Variants in PEBP4 observed in about 807,000 individuals in gnomAD.
The protein encoded by PEBP4 is phosphatidylethanolamine-binding protein 4.
A neutral mutation model predicts 23.9 loss-of-function variants in PEBP4; 22 were observed. The observed-to-expected ratio is 0.92, with a 90% CI of 0.66 to 1.31. PEBP4 has a LOEUF of 1.31. Ranked by LOEUF, PEBP4 falls within the 40% of genes most tolerant of loss-of-function variation. The pLI is 0.00. For missense variants in PEBP4, 324 were observed against 281.7 expected (o/e 1.15, Z -1.07); for synonymous variants, 112 against 99.3 (o/e 1.13, Z -0.76).
chr8:22,730,224 G>T (rs764373602), intron 4 of PEBP4, among the ~76,000 whole-genome samples: 8 of 152,150 alleles, frequency 5.3e-5, no homozygotes, highest in African/African-American at 1.9e-4. Flanking sequence ...CCTCCCACCC[G>T]ATTTTAGCTC....
At chr8:22,817,198 C>G (rs1162291386) in intron 4 of PEBP4, among the ~76,000 whole-genome samples, 3 of 152,174 alleles carry the variant, frequency 2.0e-5, no homozygotes, top group South Asian at 4.1e-4. Context: ...GGGAGGAGCT[C>G]CAGGACTTCT....
intron 5 of PEBP4, among the ~76,000 whole-genome samples, chr8:22,725,997 A>ATGTGTG (rs1198943272): frequency 7.5e-5 from 6 of 79,842 alleles, no homozygotes; most frequent in African/African-American, 1.9e-4. Flanking sequence ...CAGATCAGAT[A>ATGTGTG]TATGTGTGTG....
At chr8:22,877,062 C>G (rs1190534108) in intron 3 of PEBP4, among the ~76,000 whole-genome samples, 1 of 152,188 alleles carries the variant, frequency 6.6e-6, no homozygotes, top group Non-Finnish European at 1.5e-5. Context: ...ATTTGGGTTT[C>G]AGGGAGTTTA....
chr8:22,860,190 A>G (rs1379589953), intron 3 of PEBP4, among the ~76,000 whole-genome samples: 6 of 30,134 alleles, frequency 2.0e-4, no homozygotes, highest in South Asian at 3.4e-3. Flanking sequence ...ACACATATAT[A>G]TGTATATATA....
At chr8:22,910,240 C>G (rs576366987) in intron 3 of PEBP4, among the ~76,000 whole-genome samples, 2 of 152,364 alleles carry the variant, frequency 1.3e-5, no homozygotes, top group South Asian at 4.1e-4. Flanking sequence ...CACTGACGTG[C>G]TACAAATAAA....
chr8:22,825,970 A>G (rs1311073225), intron 3 of PEBP4, among the ~76,000 whole-genome samples: 1 of 152,214 alleles, frequency 6.6e-6, no homozygotes, highest in Non-Finnish European at 1.5e-5. Context: ...CGTACATGAT[A>G]TATCTAAAAT....
chr8:22,850,898 C>T (rs1807537512), intron 3 of PEBP4, among the ~76,000 whole-genome samples: 2 of 152,188 alleles, frequency 1.3e-5, no homozygotes, highest in Admixed American at 6.5e-5. Context: ...GGTTCAGACA[C>T]GGCTTCATGC....
intron 4 of PEBP4, among the ~76,000 whole-genome samples, chr8:22,798,226 G>A (rs1425382084): frequency 6.6e-6 from 1 of 152,100 alleles, no homozygotes; most frequent in African/African-American, 2.4e-5. Flanking sequence ...TCACATCCTG[G>A]AGCCTTGCTA....
chr8:22,860,240 T>C (rs1807748414), intron 3 of PEBP4, among the ~76,000 whole-genome samples: 2 of 86,568 alleles, frequency 2.3e-5, no homozygotes, highest in Admixed American at 1.2e-4. Flanking sequence ...GGTGCCAGAA[T>C]ACACATATCA....
At chr8:22,827,892 G>T (rs970398383) in intron 3 of PEBP4, among the ~76,000 whole-genome samples, 1 of 152,096 alleles carries the variant, frequency 6.6e-6, no homozygotes, top group African/African-American at 2.4e-5. Flanking sequence ...ACTTATAATT[G>T]TCTGTCTTTT....
At chr8:22,854,382 ACTC>A (rs1378989471) in intron 3 of PEBP4, among the ~76,000 whole-genome samples, 1 of 151,898 alleles carries the variant, frequency 6.6e-6, no homozygotes, top group Non-Finnish European at 1.5e-5. Context: ...TCTGGCACCC[ACTC>A]CTCCTACACA....
At chr8:22,887,892 C>T (rs1808416070) in intron 3 of PEBP4, 1 of 152,192 alleles carries the variant, frequency 6.6e-6, no homozygotes, top group Admixed American at 6.5e-5. Flanking sequence ...GGAACAGGAG[C>T]TGCTTCAGTA....
At chr8:22,874,022 C>CA (rs1302070038) in intron 3 of PEBP4, among the ~76,000 whole-genome samples, 1 of 152,060 alleles carries the variant, frequency 6.6e-6, no homozygotes, top group Non-Finnish European at 1.5e-5. Flanking sequence ...CCAAACCCAG[C>CA]AAAAAATTCC....
intron 3 of PEBP4, among the ~76,000 whole-genome samples, chr8:22,821,680 G>C (rs1383939479): frequency 2.6e-5 from 4 of 151,970 alleles, no homozygotes; most frequent in Admixed American, 2.6e-4. Flanking sequence ...AGCGGGACAA[G>C]GAAGGGAGAA....
chr8:22,842,244 A>T (rs1302722920), intron 3 of PEBP4, among the ~76,000 whole-genome samples: 1 of 152,218 alleles, frequency 6.6e-6, no homozygotes, highest in Admixed American at 6.5e-5. Flanking sequence ...GTTTGGAGAA[A>T]CTGGCGGATG....
At chr8:22,792,674 A>T (rs1275788501) in intron 4 of PEBP4, among the ~76,000 whole-genome samples, 1 of 152,094 alleles carries the variant, frequency 6.6e-6, no homozygotes, top group Non-Finnish European at 1.5e-5. Flanking sequence ...TCTTTCAAAG[A>T]ACACTCGTGG....
chr8:22,804,047 G>T (rs1042562493), intron 4 of PEBP4, among the ~76,000 whole-genome samples: 1 of 152,226 alleles, frequency 6.6e-6, no homozygotes, highest in Non-Finnish European at 1.5e-5. Context: ...CAAGGCAGGG[G>T]CTGGGTGCGG....
At position 22,848,029 on chromosome 8, in the gene PEBP4, GCTCT is replaced by G. The variant is rs148288633; in HGVS notation, c.259-30298_259-30295del. ...TTTTTTCTTTTGCCCCAGTGCTAAA[GCTCT>G]CTCTCTCTCTCTGTCGCTTTCTCTT... On this transcript the variant is annotated intron_variant, in intron 3 of 6. Transcript: ENST00000256404. Among the ~76,000 whole-genome samples, 742 of 150,036 alleles carry G rather than the reference GCTCT, an allele frequency of 4.9e-3. 8 individuals carry two copies. The highest frequency in any genetic ancestry group is 0.017 in the African/African-American group (694 of 40,942).
intron 4 of PEBP4, among the ~76,000 whole-genome samples, chr8:22,737,523 C>A (rs1804892688): frequency 6.6e-6 from 1 of 152,096 alleles, no homozygotes; most frequent in Non-Finnish European, 1.5e-5. Flanking sequence ...CGCTAAGGTG[C>A]AGGATCCCCC....
Sources: gnomAD v4.1 joint callset for allele counts (sites outside exome capture counted in the v4.1 genomes callset) on GRCh38, gnomAD v4.1.1 for gene constraint, MANE v1.5 for transcripts, NCBI Gene and HGNC (gene_info 2026-07-23, HGNC 2026-07-21) for gene names.